Variants in CELF2 observed in about 807,000 individuals in gnomAD.
CELF2 encodes the protein CUG triplet repeat RNA-binding protein 2.
In CELF2, 8 loss-of-function variants were observed where a neutral mutation model predicts 62.6. The observed-to-expected ratio is 0.13, with a 90% CI of 0.07 to 0.23. The LOEUF (loss-of-function observed/expected upper bound fraction) is 0.23. Among genes scored for constraint, CELF2 ranks in the 10% least tolerant of loss-of-function variants. The pLI, the probability that CELF2 is intolerant of heterozygous loss-of-function variation, is 1.00. For missense variants in CELF2, 333 were observed against 671.0 expected, an observed-to-expected ratio of 0.50 and a Z score of 5.56; for synonymous variants, 258 against 250.0, an observed-to-expected ratio of 1.03 and a Z score of -0.30.
At chr10:10,616,462 T>C in the CELF2 span, among the ~76,000 whole-genome samples, 1 of 152,036 alleles carries the variant, frequency 6.6e-6, no homozygotes, top group Middle Eastern at 3.2e-3. Flanking sequence ...TATATGAAGG[T>C]TGTGTCCAGG....
In CELF2 at chr10:10,931,828, G is replaced by T. The variant is rs2066093231; in HGVS notation, c.89+11829G>T. ...ATTTATAAAGACATGAGGTTTAATG[G>T]ACTCACAGTTCCACATGGCTAGGGA... On this transcript the variant is annotated intron_variant, in intron 2 of 13. Transcript: ENST00000636488. The surrounding 1 kb of genome is among the most constrained non-coding windows in gnomAD (Gnocchi z 6.1). Among the ~76,000 whole-genome samples the T allele has an allele frequency of 6.6e-6, 1 of 152,126 alleles. No individual in the cohort carries two copies. The highest frequency in any genetic ancestry group is 1.5e-5 in the Non-Finnish European group (1 of 68,020).
At chr10:11,062,852 T>C (rs1213879388) in intron 1 of CELF2, among the ~76,000 whole-genome samples, 1 of 152,182 alleles carries the variant, frequency 6.6e-6, no homozygotes, top group Non-Finnish European at 1.5e-5. Context: ...CAGCATGGGA[T>C]GCTTCAGAAA....
intron 1 of CELF2, among the ~76,000 whole-genome samples, chr10:10,833,731 C>G (rs2058057627): frequency 6.6e-6 from 1 of 152,086 alleles, no homozygotes; most frequent in Non-Finnish European, 1.5e-5. Context: ...TCACTGATCA[C>G]TAGAGAAATG....
rs2095880154 is a variant in CELF2 at position 11,328,637 on chromosome 10, G to A, written c.1439-289G>A. Among the ~76,000 whole-genome samples, 1 of 152,234 alleles carries A rather than the reference G, an allele frequency of 6.6e-6. No individual in the cohort carries two copies. The highest frequency in any genetic ancestry group is 6.5e-5 in the Admixed American group (1 of 15,288). ...AATGATTTGAGCGAGTTCAGTAAGT[G>A]GAACTGAATTCAGCCAAACAATTGA... On this transcript the variant is annotated intron_variant, in intron 12 of 12. Transcript: ENST00000633077. This position sits in a 1 kb window ranked among gnomAD's most constrained non-coding sequence, Gnocchi z 6.4.
rs535506768 is a variant in CELF2 at position 11,123,962 on chromosome 10, C to T, written c.75-41524C>T. Among the ~76,000 whole-genome samples, 12 of 152,256 alleles carry T rather than the reference C, an allele frequency of 7.9e-5. No individual in the cohort carries two copies. The South Asian group carries it at 2.1e-3, about 26-fold the overall frequency. ...GAAAAAGAGGTTTAACTCACAGTTC[C>T]ACATGGCTGGGGAGGCCTCACAATC... is the stretch of plus-strand genomic sequence containing the variant. On this transcript the variant is annotated intron_variant, in intron 1 of 12. Transcript: ENST00000633077.
At chr10:11,206,493 C>T (rs1197769206) in intron 2 of CELF2, among the ~76,000 whole-genome samples, 2 of 152,252 alleles carry the variant, frequency 1.3e-5, no homozygotes, top group Non-Finnish European at 2.9e-5. Context: ...CTTACACCTA[C>T]CGCGTTTAAC....
At chr10:10,791,767 G>C in the CELF2 span, among the ~76,000 whole-genome samples, 1 of 152,164 alleles carries the variant, frequency 6.6e-6, no homozygotes, top group East Asian at 1.9e-4. Context: ...GTTTATTACA[G>C]TTTATGACAA....
chr10:11,220,583 G>A lies in CELF2; in HGVS notation c.354+3076G>A, dbSNP rs116171665. 6.3e-3 allele frequency among the ~76,000 whole-genome samples: 958 copies of A among 152,304 alleles called. 9 individuals are homozygous for A. Among genetic ancestry groups the A allele is most frequent in the African/African-American group, 0.022 (904 of 41,548 alleles). Reference sequence around the variant, plus strand: ...AGCAGTGCAAAATCATTGAAGACACGTTTCTCAAACTTGCCTCTTACTGGG... The same window carrying A: ...AGCAGTGCAAAATCATTGAAGACACATTTCTCAAACTTGCCTCTTACTGGG... On this transcript the variant is annotated intron_variant, in intron 3 of 12. Coordinates refer to ENST00000633077, the MANE Select transcript of CELF2 (RefSeq NM_001326342.2). The surrounding 1 kb of genome is among the most constrained non-coding windows in gnomAD (Gnocchi z 4.4).
At chr10:11,066,065 G>C (rs769894518) in intron 1 of CELF2, among the ~76,000 whole-genome samples, 1 of 152,090 alleles carries the variant, frequency 6.6e-6, no homozygotes, top group African/African-American at 2.4e-5. Context: ...AGAGGGCGTA[G>C]GGAGGAGGAA....
the CELF2 span, among the ~76,000 whole-genome samples, chr10:10,671,640 A>T: frequency 6.6e-6 from 1 of 152,052 alleles, no homozygotes; most frequent in South Asian, 2.1e-4. Flanking sequence ...ATAGGTGTAC[A>T]GGTGTATCTC....
At chr10:10,593,917 T>C in the CELF2 span, among the ~76,000 whole-genome samples, 2 of 152,202 alleles carry the variant, frequency 1.3e-5, no homozygotes, top group East Asian at 3.8e-4. Flanking sequence ...CATAGGGTTA[T>C]AGTGAGCATT....
rs527547757 is a variant in CELF2, at chr10:11,178,013, C to T, written c.271+12331C>T. On this transcript the variant is annotated intron_variant, in intron 2 of 12. Transcript: ENST00000633077. The surrounding 1 kb of genome is among the most constrained non-coding windows in gnomAD (Gnocchi z 4.3). ...TGACTGCCTGGTAGGATAAAGGAGACGACATCTGAAAAGAGGGTTTCAGGT... is the reference window on the plus strand; with the variant it reads ...TGACTGCCTGGTAGGATAAAGGAGATGACATCTGAAAAGAGGGTTTCAGGT... Among the ~76,000 whole-genome samples, 1 of 152,110 alleles carries T rather than the reference C, an allele frequency of 6.6e-6. No individual in the cohort carries two copies.
the CELF2 span, among the ~76,000 whole-genome samples, chr10:10,543,457 A>C: frequency 6.6e-6 from 1 of 152,190 alleles, no homozygotes; most frequent in Admixed American, 6.5e-5. Context: ...AGCTAAAATA[A>C]GTTTCTGTGT....
At chr10:10,618,238 C>T in the CELF2 span, among the ~76,000 whole-genome samples, 1 of 152,084 alleles carries the variant, frequency 6.6e-6, no homozygotes, top group Non-Finnish European at 1.5e-5. Context: ...CAATTTTTGG[C>T]TCCCTGACCT....
At chr10:10,510,646 G>T in the CELF2 span, among the ~76,000 whole-genome samples, 4 of 152,158 alleles carry the variant, frequency 2.6e-5, no homozygotes, top group Non-Finnish European at 5.9e-5. Context: ...TAATGCCCCT[G>T]TCCTCTTGGA....
At chr10:10,511,977 A>G in the CELF2 span, among the ~76,000 whole-genome samples, 1 of 152,236 alleles carries the variant, frequency 6.6e-6, no homozygotes, top group Admixed American at 6.5e-5. Context: ...TGCAAATGTC[A>G]GACCTTCAAC....
the CELF2 span, among the ~76,000 whole-genome samples, chr10:10,590,003 A>C: frequency 6.6e-6 from 1 of 152,190 alleles, no homozygotes; most frequent in Non-Finnish European, 1.5e-5. Context: ...AATCTGGGAC[A>C]GGTAGATTCA....
In CELF2 at chr10:10,928,473, G is replaced by T. The variant is rs949451520; in HGVS notation, c.89+8474G>T. 6.6e-6 allele frequency among the ~76,000 whole-genome samples: 1 copy of T among 152,098 alleles called. No individual in the cohort carries two copies. Among genetic ancestry groups the T allele is most frequent in the Non-Finnish European group, 1.5e-5 (1 of 68,034 alleles). On this transcript the variant is annotated intron_variant, in intron 2 of 13. Transcript: ENST00000636488. The surrounding 1 kb of genome is among the most constrained non-coding windows in gnomAD (Gnocchi z 4.8). ...AACTACAGCCCACAGACGAAATCTA[G>T]ATAGTGGCCTGTGCTTATAAATATA... is the stretch of plus-strand genomic sequence containing the variant.
chr10:10,658,264 T>C, the CELF2 span, among the ~76,000 whole-genome samples: 1 of 151,956 alleles, frequency 6.6e-6, no homozygotes, highest in African/African-American at 2.4e-5. Context: ...CCCAATCCCC[T>C]GCTCTTTATG....
Sources: allele counts gnomAD v4.1 joint callset (sites outside exome capture counted in the v4.1 genomes callset), GRCh38; gene constraint gnomAD v4.1.1; non-coding constraint Gnocchi (gnomAD v3.1); transcripts MANE v1.5; gene names NCBI Gene and HGNC (gene_info 2026-07-23, HGNC 2026-07-21).